Variants in PARD3B observed in about 807,000 individuals in gnomAD.
PARD3B encodes the protein par-3 family cell polarity regulator beta, also known as partitioning defective 3 homolog B.
Under a neutral mutation model 130.2 loss-of-function variants are expected in PARD3B, and 103 were observed. That is an observed-to-expected ratio of 0.79 (90% CI 0.67 to 0.93). PARD3B has a LOEUF of 0.93. Ranked by LOEUF, PARD3B falls within the 40% of genes least tolerant of loss-of-function variation. PARD3B has a pLI of 0.00. For missense variants in PARD3B, 1,609 were observed against 1,499.2 expected, an observed-to-expected ratio of 1.07 and a Z score of -1.21; for synonymous variants, 583 against 553.2, an observed-to-expected ratio of 1.05 and a Z score of -0.76.
chr2:205,215,918 A>G (rs972604308), intron 15 of PARD3B, among the ~76,000 whole-genome samples: 1 of 152,122 alleles, frequency 6.6e-6, no homozygotes, highest in Non-Finnish European at 1.5e-5. Context: ...TGCAACTAAT[A>G]GAAATCTTCA....
intron 15 of PARD3B, among the ~76,000 whole-genome samples, chr2:205,218,022 A>T (rs981304625): frequency 6.6e-6 from 1 of 150,458 alleles, no homozygotes; most frequent in Non-Finnish European, 1.5e-5. Flanking sequence ...CCTCCTGAGT[A>T]GCTGGGATTA....
At chr2:205,073,382 A>C (rs1197627979) in intron 4 of PARD3B, among the ~76,000 whole-genome samples, 1 of 152,120 alleles carries the variant, frequency 6.6e-6, no homozygotes, top group African/African-American at 2.4e-5. Context: ...ATGTCGAAAA[A>C]CTTGTCTTAT....
intron 18 of PARD3B, among the ~76,000 whole-genome samples, chr2:205,367,475 A>C (rs1481482968): frequency 6.6e-6 from 1 of 152,206 alleles, no homozygotes; most frequent in Non-Finnish European, 1.5e-5. Flanking sequence ...TATCAAAAGA[A>C]GTTTTGGAAT....
At chr2:205,347,194 A>G (rs2043825621) in intron 18 of PARD3B, among the ~76,000 whole-genome samples, 1 of 152,190 alleles carries the variant, frequency 6.6e-6, no homozygotes, top group African/African-American at 2.4e-5. Context: ...TTATCATTCA[A>G]ATCATTGGTT....
intron 18 of PARD3B, among the ~76,000 whole-genome samples, chr2:205,312,024 A>G (rs559298607): frequency 6.6e-6 from 1 of 152,296 alleles, no homozygotes; most frequent in East Asian, 1.9e-4. Flanking sequence ...TGGTTTTTAA[A>G]TTAGGTTAGA....
At chr2:204,789,319 G>T (rs2042120323) in intron 2 of PARD3B, among the ~76,000 whole-genome samples, 1 of 152,138 alleles carries the variant, frequency 6.6e-6, no homozygotes, top group East Asian at 1.9e-4. Context: ...CCAAAGCTCT[G>T]GGTTAACAGG....
chr2:204,819,545 A>G (rs1035729656), intron 2 of PARD3B, among the ~76,000 whole-genome samples: 1 of 152,208 alleles, frequency 6.6e-6, no homozygotes, highest in Non-Finnish European at 1.5e-5. Flanking sequence ...AAGAATGTCT[A>G]TGTGTTCAAA....
chr2:204,916,797 A>G (rs1004487051), intron 2 of PARD3B, among the ~76,000 whole-genome samples: 6 of 152,216 alleles, frequency 3.9e-5, no homozygotes, highest in Admixed American at 2.0e-4. Context: ...TCCTTTTTAA[A>G]TATGAGTAGG....
intron 2 of PARD3B, among the ~76,000 whole-genome samples, chr2:204,876,267 C>G (rs112904714): frequency 3.9e-5 from 6 of 152,274 alleles, no homozygotes; most frequent in African/African-American, 7.2e-5. Context: ...TTTCCAGAAC[C>G]CTCTTTCCAA....
At chr2:205,538,916 C>T (rs916388945) in intron 21 of PARD3B, among the ~76,000 whole-genome samples, 5 of 152,162 alleles carry the variant, frequency 3.3e-5, no homozygotes, top group African/African-American at 1.2e-4. Flanking sequence ...TGCATCATAT[C>T]ATTTAATGCT....
At chr2:205,357,650 A>C (rs2044244065) in intron 18 of PARD3B, among the ~76,000 whole-genome samples, 2 of 99,966 alleles carry the variant, frequency 2.0e-5, no homozygotes, top group Non-Finnish European at 5.1e-5. Context: ...AATACTTGAG[A>C]GTTTCATGAG....
intron 2 of PARD3B, among the ~76,000 whole-genome samples, chr2:204,877,018 AATCT>A (rs368030721): frequency 8.6e-4 from 131 of 152,294 alleles, no homozygotes; most frequent in Middle Eastern, 3.4e-3. Flanking sequence ...ATCCCTGAGG[AATCT>A]TCCTCAATGG....
intron 4 of PARD3B, among the ~76,000 whole-genome samples, chr2:205,100,816 T>C (rs1396144833): frequency 6.6e-6 from 1 of 152,106 alleles, no homozygotes; most frequent in African/African-American, 2.4e-5. Context: ...AACTCCTTCC[T>C]CACACAGTGT....
At chr2:205,565,400 G>A (rs2053286973) in intron 22 of PARD3B, among the ~76,000 whole-genome samples, 1 of 152,128 alleles carries the variant, frequency 6.6e-6, no homozygotes, top group South Asian at 2.1e-4. Flanking sequence ...TATGTTAAAT[G>A]TGCAACAAAC....
At chr2:205,462,636 G>A (rs1386380135) in intron 20 of PARD3B, among the ~76,000 whole-genome samples, 4 of 152,276 alleles carry the variant, frequency 2.6e-5, no homozygotes, top group African/African-American at 4.8e-5. Flanking sequence ...CAGGCACATG[G>A]AGTTCTAGTA....
rs1170905641 is a variant in PARD3B, at chr2:205,057,410, CATATACATATATACATGTATATGT to C, written c.504+9721_504+9744del. Reference sequence around the variant, plus strand: ...TATATACATGTATATGTGTTATATACATATACATATATACATGTATATGTGTTATATACATATACATATATACAT... The same window carrying C: ...TATATACATGTATATGTGTTATATACGTTATATACATATACATATATACAT... On this transcript the variant is annotated intron_variant, in intron 4 of 22. Coordinates refer to ENST00000406610, the MANE Select transcript of PARD3B (RefSeq NM_001302769.2). Among the ~76,000 whole-genome samples, 154 of 128,550 alleles carry C rather than the reference CATATACATATATACATGTATATGT, an allele frequency of 1.2e-3. 1 individual carries two copies. The highest frequency in any genetic ancestry group is 4.2e-3 in the African/African-American group (147 of 35,306). The allele number at this position is 128,550 out of a possible 152,430, so 84.3% of individuals were successfully genotyped here.
At chr2:205,499,463 C>T (rs894755317) in intron 20 of PARD3B, among the ~76,000 whole-genome samples, 3 of 152,060 alleles carry the variant, frequency 2.0e-5, no homozygotes, top group African/African-American at 7.2e-5. Context: ...GAAATGAATG[C>T]TAACATATTC....
chr2:205,425,891 G>A (rs906577933), intron 19 of PARD3B, among the ~76,000 whole-genome samples: 1 of 152,110 alleles, frequency 6.6e-6, no homozygotes, highest in Admixed American at 6.5e-5. Context: ...TGTTATTTGT[G>A]TGTGCACAGA....
intron 4 of PARD3B, among the ~76,000 whole-genome samples, chr2:205,082,092 C>T (rs187564939): frequency 4.7e-4 from 71 of 152,184 alleles, no homozygotes; most frequent in Non-Finnish European, 7.2e-4. Flanking sequence ...TGGATCATTA[C>T]TGGTAATTGG....
Sources: gnomAD v4.1 joint callset for allele counts (sites outside exome capture counted in the v4.1 genomes callset) on GRCh38, gnomAD v4.1.1 for gene constraint, MANE v1.5 for transcripts, NCBI Gene and HGNC (gene_info 2026-07-23, HGNC 2026-07-21) for gene names.